Variants in TMEM132D observed in about 807,000 individuals in gnomAD.
TMEM132D encodes the protein transmembrane protein 132D.
TMEM132D carries 21 observed loss-of-function variants against 62.3 expected under a neutral mutation model. The observed-to-expected ratio is 0.34, with a 90% CI of 0.24 to 0.49. The LOEUF is 0.49. TMEM132D is among the 20% of genes least tolerant of loss of function. The probability of loss-of-function intolerance (pLI) is 0.99; values close to 1 mark genes in which losing one functional copy is unlikely to be tolerated. For missense variants in TMEM132D, 1,346 were observed against 1,402.8 expected, an observed-to-expected ratio of 0.96 and a Z score of 0.65; for synonymous variants, 621 against 575.6, an observed-to-expected ratio of 1.08 and a Z score of -1.13.
At position 129,689,732 on chromosome 12, in the gene TMEM132D, T is replaced by C. The variant is rs1166116117; in HGVS notation, c.968+10078A>G. 3.3e-5 allele frequency among the ~76,000 whole-genome samples: 5 copies of C among 152,240 alleles called. No individual in the cohort carries two copies. In the South Asian group the frequency reaches 1.0e-3, roughly 32 times the overall value. On this transcript the variant is annotated intron_variant, in intron 2 of 8. Transcript: ENST00000422113. Reference sequence around the variant, plus strand: ...CCCTTATAATAAATTCTCATTTTTCTTAAAACTGATTCAAATCATGTTTCT... The same window carrying C: ...CCCTTATAATAAATTCTCATTTTTCCTAAAACTGATTCAAATCATGTTTCT...
intron 3 of TMEM132D, among the ~76,000 whole-genome samples, chr12:129,479,575 C>A (rs1291601855): frequency 6.6e-6 from 1 of 152,150 alleles, no homozygotes; most frequent in African/African-American, 2.4e-5. Flanking sequence ...ATGGTGATTA[C>A]ATTTTATGCA....
At chr12:129,271,441 A>G (rs554869204) in intron 4 of TMEM132D, among the ~76,000 whole-genome samples, 9 of 151,764 alleles carry the variant, frequency 5.9e-5, no homozygotes, top group East Asian at 5.8e-4. Context: ...TGTGCAGAAC[A>G]TGCAGGTTTG....
intron 3 of TMEM132D, among the ~76,000 whole-genome samples, chr12:129,522,137 G>A (rs199670031): frequency 6.6e-6 from 1 of 152,148 alleles, no homozygotes; most frequent in East Asian, 1.9e-4. Context: ...AGGGTTAAAG[G>A]ACTAAGATGT....
chr12:129,490,596 ATTTTTTTTTTTTTT>A lies in TMEM132D; in HGVS notation c.1115+40449_1115+40462del, dbSNP rs35535325. On this transcript the variant is annotated intron_variant, in intron 3 of 8. Transcript: ENST00000422113. Reference sequence around the variant, plus strand: ...GGCGCCCGCCCACCACGCCCGGCTAATTTTTTTTTTTTTTTTTTTTTTTTTTTTTTGTATTTTTA... The same window carrying A: ...GGCGCCCGCCCACCACGCCCGGCTAATTTTTTTTTTTTTTTTGTATTTTTA... 4.1e-4 allele frequency among the ~76,000 whole-genome samples: 29 copies of A among 71,116 alleles called. No homozygotes were observed. In the East Asian group the frequency reaches 7.1e-3, roughly 17 times the overall value. 46.7% of individuals were successfully genotyped at this position (71,116 alleles called of 152,430 possible).
chr12:129,537,393 G>T (rs2137094481), intron 2 of TMEM132D, among the ~76,000 whole-genome samples: 1 of 152,252 alleles, frequency 6.6e-6, no homozygotes, highest in Non-Finnish European at 1.5e-5. Flanking sequence ...CGATAAAGGA[G>T]ACACTTGAAT....
rs187955418 is a variant in TMEM132D, at chr12:129,179,208, G to C, written c.1443+30312C>G. Among the ~76,000 whole-genome samples the C allele has an allele frequency of 4.8e-3, 736 of 152,270 alleles. 18 individuals are homozygous for C. The highest frequency in any genetic ancestry group is 0.034 in the Admixed American group (526 of 15,296). ...AGCCATTTGCAGAAGAAATGGGATG[G>C]GCAAGGGGTTAGCAGGAGGAGTGAT... On this transcript the variant is annotated intron_variant, in intron 5 of 8. Coordinates refer to ENST00000422113, the MANE Select transcript of TMEM132D (RefSeq NM_133448.3).
In TMEM132D at chr12:129,321,500, C is replaced by T. The variant is rs187579226; in HGVS notation, c.1299+16134G>A. ...CATGCCCCAGCTCTGCTTTGCCATCCTCCATTTTGAAGATAAATGTGGTCC... is the reference window on the plus strand; with the variant it reads ...CATGCCCCAGCTCTGCTTTGCCATCTTCCATTTTGAAGATAAATGTGGTCC... On this transcript the variant is annotated intron_variant, in intron 4 of 8. Transcript: ENST00000422113. Among the ~76,000 whole-genome samples, 170 of 152,240 alleles carry T rather than the reference C, an allele frequency of 1.1e-3. 2 individuals carry two copies. The highest frequency in any genetic ancestry group is 5.8e-3 in the South Asian group (28 of 4,828).
At chr12:129,565,194 C>T (rs1877336081) in intron 2 of TMEM132D, among the ~76,000 whole-genome samples, 1 of 152,184 alleles carries the variant, frequency 6.6e-6, no homozygotes, top group Non-Finnish European at 1.5e-5. Flanking sequence ...TATTGATCAC[C>T]AGCCCCACAC....
In TMEM132D at chr12:129,779,820, G is replaced by A. The variant is rs188922941; in HGVS notation, c.80-79122C>T. Among the ~76,000 whole-genome samples the A allele has an allele frequency of 4.0e-4, 61 of 152,138 alleles. 1 individual carries two copies. In the East Asian group the frequency reaches 8.3e-3, roughly 21 times the overall value. ...GGCCTTAAGGTCTCTATGCCACTTG[G>A]GGAAGACAGAGAGAAATGAACTGAG... On this transcript the variant is annotated intron_variant, in intron 1 of 8. Coordinates refer to ENST00000422113, the MANE Select transcript of TMEM132D (RefSeq NM_133448.3). The surrounding 1 kb of genome is among the most constrained non-coding windows in gnomAD (Gnocchi z 4.1).
Position 129,815,865 on chromosome 12 carries a change from G to A in TMEM132D, c.79+87396C>T, listed in dbSNP as rs1286403115. 3.9e-5 allele frequency among the ~76,000 whole-genome samples: 6 copies of A among 152,292 alleles called. No homozygotes were observed. The East Asian group carries it at 5.8e-4, about 15-fold the overall frequency. On this transcript the variant is annotated intron_variant, in intron 1 of 8. Coordinates refer to ENST00000422113, the MANE Select transcript of TMEM132D (RefSeq NM_133448.3). ...CTTTGGAAATATGGACAAATGTCAC[G>A]ACTGAATACTCGTATGAATTCAATG... is the stretch of plus-strand genomic sequence containing the variant.
At chr12:129,158,857 A>G (rs1158152316) in intron 5 of TMEM132D, among the ~76,000 whole-genome samples, 1 of 152,226 alleles carries the variant, frequency 6.6e-6, no homozygotes, top group Non-Finnish European at 1.5e-5. Flanking sequence ...GGGAGGTCTC[A>G]GGAAACTTAC....
At chr12:129,176,982 T>C (rs1364960943) in intron 5 of TMEM132D, among the ~76,000 whole-genome samples, 1 of 152,238 alleles carries the variant, frequency 6.6e-6, no homozygotes, top group Non-Finnish European at 1.5e-5. Context: ...CCCAGCCGTC[T>C]TGACCGCGCT....
intron 2 of TMEM132D, among the ~76,000 whole-genome samples, chr12:129,677,031 T>C (rs1225683751): frequency 6.6e-6 from 1 of 152,198 alleles, no homozygotes; most frequent in East Asian, 1.9e-4. Flanking sequence ...CATGTGAATG[T>C]ACATAACCGA....
At chr12:129,592,948 G>A (rs986424617) in intron 2 of TMEM132D, among the ~76,000 whole-genome samples, 2 of 152,164 alleles carry the variant, frequency 1.3e-5, no homozygotes, top group South Asian at 4.1e-4. Flanking sequence ...CAACAGCAAT[G>A]AGGAGGAGGA....
intron 5 of TMEM132D, 144 bp downstream of exon 5, chr12:129,209,376 A>T: frequency 1.0e-6 from 1 of 996,580 alleles, no homozygotes; most frequent in Non-Finnish European, 1.5e-6. Flanking sequence ...GTCCTGATTT[A>T]AGTGGCAGGA....
intron 5 of TMEM132D, among the ~76,000 whole-genome samples, chr12:129,098,863 C>T (rs1228775772): frequency 1.3e-5 from 2 of 152,142 alleles, no homozygotes; most frequent in African/African-American, 4.8e-5. Flanking sequence ...CTCAAGGTCT[C>T]TCTGACCTTC....
chr12:129,586,429 C>T (rs1256352955), intron 2 of TMEM132D, among the ~76,000 whole-genome samples: 1 of 152,170 alleles, frequency 6.6e-6, no homozygotes, highest in African/African-American at 2.4e-5. Context: ...AGGCTGCTAA[C>T]ACAATGTATC....
At chr12:129,688,133 G>A (rs932431772) in intron 2 of TMEM132D, among the ~76,000 whole-genome samples, 2 of 152,146 alleles carry the variant, frequency 1.3e-5, no homozygotes, top group African/African-American at 4.8e-5. Context: ...CCTGAAAAGA[G>A]AATTCATGAA....
chr12:129,453,943 G>A (rs550383332), intron 3 of TMEM132D, among the ~76,000 whole-genome samples: 13 of 152,182 alleles, frequency 8.5e-5, no homozygotes, highest in Non-Finnish European at 1.6e-4. Context: ...CCCTTAACCA[G>A]ATGAACTGAG....
Sources: gnomAD v4.1 joint callset for allele counts (sites outside exome capture counted in the v4.1 genomes callset) on GRCh38, gnomAD v4.1.1 for gene constraint, Gnocchi (gnomAD v3.1) non-coding constraint, MANE v1.5 for transcripts, NCBI Gene and HGNC (gene_info 2026-07-23, HGNC 2026-07-21) for gene names.